ZCWPW2: variants seen among roughly 807,000 people sequenced by gnomAD.
The protein encoded by ZCWPW2 is zinc finger CW-type and PWWP domain containing 2, also known as zinc finger CW-type PWWP domain protein 2.
In ZCWPW2, 45 loss-of-function variants were observed where a neutral mutation model predicts 46.6. The observed-to-expected ratio is 0.96, with a 90% confidence interval of 0.76 to 1.24. The LOEUF (loss-of-function observed/expected upper bound fraction) is 1.24, where lower values mean the gene tolerates loss of function less well. Ranked by LOEUF, ZCWPW2 falls within the 50% of genes most tolerant of loss-of-function variation. ZCWPW2 has a pLI of 0.00. For missense variants in ZCWPW2, 429 were observed against 403.9 expected (o/e 1.06, Z -0.53); for synonymous variants, 152 against 137.1 (o/e 1.11, Z -0.76).
chr3:28,434,989 A>T, intron 3 of ZCWPW2, 121 bp from the exon 4 acceptor site: 1 of 969,030 alleles, frequency 1.0e-6, no homozygotes. Context: ...ATAAGTAGGA[A>T]TATATGTTTT....
Position 28,370,310 on chromosome 3 carries a change from A to T in ZCWPW2, c.-133-20188A>T, listed in dbSNP as rs142391356. ...GGCCATCTTTGCTTCACCCCAAAAA[A>T]CATTCATTGTCGCATAACAACCCTA... On this transcript the variant is annotated intron_variant, in intron 1 of 9. Coordinates refer to ENST00000383768, the MANE Select transcript of ZCWPW2 (RefSeq NM_001040432.4). 1.6e-3 allele frequency among the ~76,000 whole-genome samples: 241 copies of T among 152,290 alleles called. 1 individual carries two copies. Among genetic ancestry groups the T allele is most frequent in the Non-Finnish European group, 1.9e-3 (130 of 68,016 alleles).
rs140164249 is a variant in ZCWPW2, at chr3:28,486,085, A to G, written c.611-6042A>G. Reference sequence around the variant, plus strand: ...CTTCCCTCTTAGCATACCAATTATCAGTTATACTTTTTTAAAAACTTTTTG... The same window carrying G: ...CTTCCCTCTTAGCATACCAATTATCGGTTATACTTTTTTAAAAACTTTTTG... On this transcript the variant is annotated intron_variant, in intron 5 of 9. Transcript: ENST00000383768. Among the ~76,000 whole-genome samples the G allele has an allele frequency of 2.5e-3, 378 of 152,202 alleles. 1 individual carries two copies. The highest frequency in any genetic ancestry group is 8.3e-3 in the African/African-American group (345 of 41,528).
intron 1 of ZCWPW2, among the ~76,000 whole-genome samples, chr3:28,369,789 C>G (rs372191560): frequency 1.3e-5 from 2 of 152,240 alleles, no homozygotes; most frequent in Non-Finnish European, 2.9e-5. Flanking sequence ...CCTCCTTGAG[C>G]TGAGGTGGGC....
chr3:28,513,015 C>G (rs1050067263), intron 6 of ZCWPW2, among the ~76,000 whole-genome samples: 12 of 152,096 alleles, frequency 7.9e-5, no homozygotes, highest in African/African-American at 2.4e-4. Context: ...GATCAAGAAG[C>G]AAAACATTTC....
At chr3:28,440,527 C>A (rs1460684888) in intron 4 of ZCWPW2, among the ~76,000 whole-genome samples, 1 of 152,160 alleles carries the variant, frequency 6.6e-6, no homozygotes, top group Non-Finnish European at 1.5e-5. Flanking sequence ...ACATATGCAG[C>A]CTTCTGGAGA....
intron 4 of ZCWPW2, chr3:28,461,069 G>T: frequency 4.6e-6 from 1 of 217,076 alleles, no homozygotes; most frequent in Admixed American, 4.4e-5. Flanking sequence ...AATTTTTGAA[G>T]CTCTATAAAG....
chr3:28,446,130 A>G (rs544775378), intron 4 of ZCWPW2, among the ~76,000 whole-genome samples: 50 of 152,182 alleles, frequency 3.3e-4, no homozygotes, highest in African/African-American at 9.9e-4. Context: ...GGCAGAAGAT[A>G]AGTAAAGAAA....
chr3:28,454,374 C>T (rs62250273), intron 4 of ZCWPW2, among the ~76,000 whole-genome samples: 42,479 of 152,036 alleles, frequency 0.28, 6,143 homozygotes, highest in Middle Eastern at 0.32. Context: ...GGAGGATATA[C>T]TATTAAATTT....
intron 1 of ZCWPW2, among the ~76,000 whole-genome samples, chr3:28,356,943 T>C (rs148111548): frequency 7.2e-5 from 11 of 152,172 alleles, no homozygotes; most frequent in African/African-American, 2.7e-4. Flanking sequence ...ACATGGCATA[T>C]GTATACATAT....
rs142331918 is a variant in ZCWPW2, at chr3:28,478,453, C to T, written c.493-361C>T. The T allele has an allele frequency of 1.1e-4, 19 of 165,452 alleles. 1 individual carries two copies. In the Admixed American group the frequency reaches 1.2e-3, roughly 10 times the overall value. The allele number at this position is 165,452 out of a possible 1,614,324, so 10.2% of individuals were successfully genotyped here. A position where few individuals can be genotyped will look rare whatever the true frequency, so the allele number is the denominator to read the frequency against. On this transcript the variant is annotated intron_variant, in intron 4 of 9. Coordinates refer to ENST00000383768, the MANE Select transcript of ZCWPW2 (RefSeq NM_001040432.4). ...TAAGAAACTTGATTTTCAATTTGTA[C>T]CACTTTAGTATAATTGCTATGTTTT...
chr3:28,485,893 T>C (rs1699583894), intron 5 of ZCWPW2, among the ~76,000 whole-genome samples: 1 of 152,090 alleles, frequency 6.6e-6, no homozygotes, highest in African/African-American at 2.4e-5. Context: ...TCTGTCTTTG[T>C]GATTTTTAGA....
intron 1 of ZCWPW2, among the ~76,000 whole-genome samples, chr3:28,390,169 A>G (rs1423963154): frequency 6.6e-6 from 1 of 152,232 alleles, no homozygotes; most frequent in Non-Finnish European, 1.5e-5. Context: ...GCAACACAAC[A>G]AAGAATATCA....
Position 28,512,819 on chromosome 3 carries a change from T to C in ZCWPW2, c.658-1245T>C, listed in dbSNP as rs138090551. 1.6e-3 allele frequency among the ~76,000 whole-genome samples: 246 copies of C among 152,200 alleles called. 3 individuals carry two copies. The highest frequency in any genetic ancestry group is 5.6e-3 in the African/African-American group (231 of 41,518). The stretch of plus-strand genomic sequence containing the variant: ...TTCTTAAAAATTCTTTCATGGCTCA[T>C]AGATATCATAGAAACCTGAAGTTGT... On this transcript the variant is annotated intron_variant, in intron 6 of 9. Coordinates refer to ENST00000383768, the MANE Select transcript of ZCWPW2 (RefSeq NM_001040432.4).
At position 28,514,069 on chromosome 3, in the gene ZCWPW2, G is replaced by A; in HGVS notation, c.663G>A (p.Gln221=). The change falls in exon 7 of 10, where the codon CAG becomes CAA. Residue 221 remains glutamine, a synonymous_variant. Coordinates refer to ENST00000383768, the MANE Select transcript of ZCWPW2 (RefSeq NM_001040432.4). The part of the protein sequence containing the change: ...KVAALVKKRK[Q]TSKNNIEKKK... Reference sequence around the variant, plus strand: ...TTTTTGTTTTTGTGTTATAGAAGCAGACTTCTAAAAATAATATTGAAAAGA... The same window carrying A: ...TTTTTGTTTTTGTGTTATAGAAGCAAACTTCTAAAAATAATATTGAAAAGA... 6.6e-7 allele frequency: 1 copy of A among 1,508,668 alleles called. No individual in the cohort carries two copies. The highest frequency in any genetic ancestry group is 9.1e-7 in the Non-Finnish European group (1 of 1,103,702). 93.5% of individuals were successfully genotyped at this position (1,508,668 alleles called of 1,614,324 possible). A position where few individuals can be genotyped will look rare whatever the true frequency, so the allele number is the denominator to read the frequency against.
At chr3:28,358,563 A>AGG (rs755758619) in intron 1 of ZCWPW2, among the ~76,000 whole-genome samples, 3 of 152,282 alleles carry the variant, frequency 2.0e-5, no homozygotes, top group Non-Finnish European at 1.5e-5. Context: ...CATATTTTCA[A>AGG]GGGAATCTTA....
At position 28,371,652 on chromosome 3, in the gene ZCWPW2, C is replaced by T. The variant is rs114461586; in HGVS notation, c.-133-18846C>T. Among the ~76,000 whole-genome samples, 1,034 of 152,032 alleles carry T rather than the reference C, an allele frequency of 6.8e-3. 20 individuals are homozygous for T. Among genetic ancestry groups the T allele is most frequent in the African/African-American group, 0.024 (1,000 of 41,454 alleles). On this transcript the variant is annotated intron_variant, in intron 1 of 9. Coordinates refer to ENST00000383768, the MANE Select transcript of ZCWPW2 (RefSeq NM_001040432.4). ...CTAGCCTGGGCAACAGAGAAAGACCCATCTCAAGCAAACCAACAAATAAAT... is the reference window on the plus strand; with the variant it reads ...CTAGCCTGGGCAACAGAGAAAGACCTATCTCAAGCAAACCAACAAATAAAT...
intron 1 of ZCWPW2, among the ~76,000 whole-genome samples, chr3:28,369,329 G>A (rs984550615): frequency 6.6e-6 from 1 of 152,100 alleles, no homozygotes; most frequent in African/African-American, 2.4e-5. Flanking sequence ...TACAGATGGG[G>A]TTTTGGTGTG....
intron 5 of ZCWPW2, among the ~76,000 whole-genome samples, chr3:28,486,388 ACTTTAC>A (rs1218130049): frequency 2.6e-5 from 4 of 152,060 alleles, no homozygotes; most frequent in African/African-American, 7.3e-5. Flanking sequence ...AAAAGTTTTT[ACTTTAC>A]CTTTACTTAT....
intron 1 of ZCWPW2, among the ~76,000 whole-genome samples, chr3:28,373,154 C>T (rs892908412): frequency 6.6e-6 from 1 of 152,102 alleles, no homozygotes; most frequent in African/African-American, 2.4e-5. Context: ...ACAATGATTT[C>T]CTTTCTTTTG....
Sources: gnomAD v4.1 joint callset for allele counts (sites outside exome capture counted in the v4.1 genomes callset) on GRCh38, gnomAD v4.1.1 for gene constraint, MANE v1.5 for transcripts, NCBI Gene and HGNC (gene_info 2026-07-23, HGNC 2026-07-21) for gene names.